ADRA1B: variants seen among roughly 807,000 people sequenced by gnomAD.
The protein encoded by ADRA1B is alpha-1B adrenergic receptor.
ADRA1B carries 17 observed loss-of-function variants against 17.9 expected under a neutral mutation model. That is an observed-to-expected ratio of 0.95 (90% CI 0.65 to 1.42). ADRA1B has a LOEUF of 1.42. Among genes scored for constraint, ADRA1B ranks in the 40% most tolerant of loss-of-function variants. ADRA1B has a pLI of 0.00. For synonymous variants in ADRA1B, 366 were observed against 327.6 expected, an observed-to-expected ratio of 1.12 and a Z score of -1.27; for missense variants, 681 against 722.1, an observed-to-expected ratio of 0.94 and a Z score of 0.65.
intron 1 of ADRA1B, among the ~76,000 whole-genome samples, chr5:159,941,545 G>A (rs1364579265): frequency 1.3e-5 from 2 of 152,182 alleles, no homozygotes; most frequent in Non-Finnish European, 2.9e-5. Context: ...GAGAGAATTG[G>A]AAACATGTCC....
intron 1 of ADRA1B, among the ~76,000 whole-genome samples, chr5:159,956,827 C>T (rs1755558601): frequency 6.6e-6 from 1 of 152,102 alleles, no homozygotes; most frequent in Non-Finnish European, 1.5e-5. Flanking sequence ...AGCATAAGCA[C>T]TTTTTAAAAT....
In ADRA1B at chr5:159,942,582, G is replaced by A. The variant is rs892443188; in HGVS notation, c.949+24728G>A. ...TCCCACCACTCTGGGAGGCTAAGGC[G>A]GGAGGAACACTTGAGCCCAGGAGTT... On this transcript the variant is annotated intron_variant, in intron 1 of 1. Coordinates refer to ENST00000306675, the MANE Select transcript of ADRA1B (RefSeq NM_000679.4). 3.3e-5 allele frequency among the ~76,000 whole-genome samples: 5 copies of A among 152,264 alleles called. No homozygotes were observed. The East Asian group carries it at 7.7e-4, about 24-fold the overall frequency.
At chr5:159,920,676 G>T (rs1754453353) in intron 1 of ADRA1B, among the ~76,000 whole-genome samples, 1 of 152,126 alleles carries the variant, frequency 6.6e-6, no homozygotes, top group Admixed American at 6.5e-5. Context: ...GTACTCAAGA[G>T]CTTCAAACAA....
chr5:159,988,712 G>A, the ADRA1B span, among the ~76,000 whole-genome samples: 1 of 152,178 alleles, frequency 6.6e-6, no homozygotes, highest in Non-Finnish European at 1.5e-5. Flanking sequence ...GCATGGTGGT[G>A]CATGCCTGCA....
rs901966672 is a variant in ADRA1B at position 159,916,765 on chromosome 5, C to CG, written c.-136dup. On this transcript the variant is annotated 5_prime_UTR_variant, in exon 1 of 2. Transcript: ENST00000306675. ...AGACGTGCTGCCGGGCTGGGCTGCC[C>CG]GGGGGAGATGACTCCTCGCCAGGAG... is the stretch of plus-strand genomic sequence containing the variant. 3 of 777,236 alleles carry CG rather than the reference C, an allele frequency of 3.9e-6. No individual in the cohort carries two copies. Among genetic ancestry groups the CG allele is most frequent in the Non-Finnish European group, 4.1e-6 (2 of 485,722 alleles). 48.1% of individuals were successfully genotyped at this position (777,236 alleles called of 1,614,324 possible). A position where few individuals can be genotyped will look rare whatever the true frequency, so the allele number is the denominator to read the frequency against.
At chr5:159,951,540 G>A in intron 1 of ADRA1B, 1 of 603,884 alleles carries the variant, frequency 1.7e-6, no homozygotes, top group Non-Finnish European at 3.0e-6. Flanking sequence ...AGAAGATGCA[G>A]CTGTCTGTCG....
At chr5:159,893,116 C>T (rs986497420) in intron 1 of ADRA1B, among the ~76,000 whole-genome samples, 51 of 152,178 alleles carry the variant, frequency 3.4e-4, no homozygotes, top group Non-Finnish European at 6.3e-4. Context: ...ATTAATCAAA[C>T]ATGTGTCATT....
At chr5:159,981,641 A>G in the ADRA1B span, among the ~76,000 whole-genome samples, 2 of 152,088 alleles carry the variant, frequency 1.3e-5, no homozygotes, top group Non-Finnish European at 2.9e-5. Context: ...GACTACAGGC[A>G]CCCACCACCA....
intron 1 of ADRA1B, among the ~76,000 whole-genome samples, chr5:159,963,288 GTATATATA>G (rs10522262): frequency 3.0e-5 from 4 of 132,702 alleles, no homozygotes; most frequent in African/African-American, 5.8e-5. Context: ...AACAAAAAAA[GTATATATA>G]TATATATATA....
At position 159,893,825 on chromosome 5, in the gene ADRA1B, C is replaced by T. The variant is rs868729055; in HGVS notation, c.-255-22294C>T. Among the ~76,000 whole-genome samples, 17 of 152,240 alleles carry T rather than the reference C, an allele frequency of 1.1e-4. 1 individual carries two copies. Among genetic ancestry groups the T allele is most frequent in the South Asian group, 1.0e-3 (5 of 4,816 alleles). ...CTGCCCTGATGGGTCAGGAAGCAAG[C>T]GGAAACTTGCAAGTTTTTCCCACAG... On this transcript the variant is annotated intron_variant, in intron 1 of 2. Coordinates refer to the ADRA1B transcript ENST00000641205.
intron 1 of ADRA1B, among the ~76,000 whole-genome samples, chr5:159,910,121 A>T (rs1754213550): frequency 6.6e-6 from 1 of 152,216 alleles, no homozygotes; most frequent in African/African-American, 2.4e-5. Context: ...ATTATAGAGA[A>T]CATCAATATA....
chr5:159,887,980 A>G (rs1016774164), intron 1 of ADRA1B: 3 of 152,164 alleles, frequency 2.0e-5, no homozygotes, highest in Non-Finnish European at 4.4e-5. Flanking sequence ...TTCAAATAAT[A>G]TTACTCATAA....
intron 1 of ADRA1B, among the ~76,000 whole-genome samples, chr5:159,899,422 G>A (rs1324419767): frequency 6.6e-6 from 1 of 152,142 alleles, no homozygotes; most frequent in Admixed American, 6.5e-5. Context: ...AGACTAACAT[G>A]ATTGACAGCC....
the ADRA1B span, among the ~76,000 whole-genome samples, chr5:159,983,319 T>C: frequency 6.6e-6 from 1 of 152,188 alleles, no homozygotes; most frequent in South Asian, 2.1e-4. Context: ...AAGGCTTTCC[T>C]CTCCACCATC....
chr5:159,955,507 A>G (rs745659507), intron 1 of ADRA1B, among the ~76,000 whole-genome samples: 3 of 152,146 alleles, frequency 2.0e-5, no homozygotes, highest in African/African-American at 4.8e-5. Context: ...CCCAATCTCA[A>G]TGTTTTACCA....
intron 1 of ADRA1B, among the ~76,000 whole-genome samples, chr5:159,956,948 C>T (rs538820307): frequency 6.6e-6 from 1 of 152,260 alleles, no homozygotes; most frequent in South Asian, 2.1e-4. Context: ...TCTCGGCTCA[C>T]TGCCACCTCC....
intron 1 of ADRA1B, among the ~76,000 whole-genome samples, chr5:159,942,173 C>T (rs1028067776): frequency 7.9e-5 from 12 of 152,014 alleles, no homozygotes; most frequent in Non-Finnish European, 1.0e-4. Flanking sequence ...CCGCCCGCCT[C>T]GGCCTCCCAA....
chr5:159,917,235 C>T lies in ADRA1B; in HGVS notation c.330C>T (p.Tyr110=). The T allele has an allele frequency of 1.2e-6, 2 of 1,614,170 alleles. No homozygotes were observed. Among genetic ancestry groups the T allele is most frequent in the Non-Finnish European group, 1.7e-6 (2 of 1,180,034 alleles). ...PFSAALEVLG[Y]WVLGRIFCDI... ...CAGCGGCCCTAGAGGTGCTCGGCTACTGGGTGCTGGGGCGGATCTTCTGTG... is the reference window on the plus strand; with the variant it reads ...CAGCGGCCCTAGAGGTGCTCGGCTATTGGGTGCTGGGGCGGATCTTCTGTG... Residue 110 remains tyrosine (Y), a synonymous_variant, in exon 1 of 2, where the codon TAC becomes TAT. Transcript: ENST00000306675.
chr5:159,921,816 G>A (rs1754489242), intron 1 of ADRA1B, among the ~76,000 whole-genome samples: 3 of 152,144 alleles, frequency 2.0e-5, no homozygotes, highest in South Asian at 2.1e-4. Flanking sequence ...GGGGGCTGAC[G>A]AATTTCTACC....
Sources: gnomAD v4.1 joint callset for allele counts (sites outside exome capture counted in the v4.1 genomes callset) on GRCh38, gnomAD v4.1.1 for gene constraint, MANE v1.5 for transcripts, NCBI Gene and HGNC (gene_info 2026-07-23, HGNC 2026-07-21) for gene names.